Variants in POGZ observed in about 807,000 individuals in gnomAD.
POGZ encodes pogo transposable element with ZNF domain.
POGZ carries 17 observed loss-of-function variants against 134.6 expected under a neutral mutation model. That is an observed-to-expected ratio of 0.13 (90% confidence interval 0.09 to 0.19). POGZ has a LOEUF of 0.19. Ranked by LOEUF, POGZ falls within the 10% of genes least tolerant of loss-of-function variation. The pLI is 1.00. For synonymous variants in POGZ, 693 were observed against 657.1 expected, an observed-to-expected ratio of 1.05 and a Z score of -0.84; for missense variants, 1,306 against 1,769.7, an observed-to-expected ratio of 0.74 and a Z score of 4.70.
chr1:151,424,449 A>G (rs1198394581), intron 8 of POGZ, 163 bp from the exon 9 acceptor site: 1 of 554,234 alleles, frequency 1.8e-6, no homozygotes, highest in African/African-American at 1.9e-5. Context: ...CTCCTTTTCT[A>G]GAGTATATCC....
intron 1 of POGZ, among the ~76,000 whole-genome samples, chr1:151,453,678 C>A (rs1358809349): frequency 1.3e-5 from 2 of 152,078 alleles, no homozygotes; most frequent in Non-Finnish European, 2.9e-5. Flanking sequence ...TGCAGGCTCA[C>A]ACAGAACTAT....
Position 151,412,282 on chromosome 1 carries a change from G to C in POGZ, c.1779+14C>G. The C allele has an allele frequency of 1.4e-6, 2 of 1,457,306 alleles. No individual in the cohort carries two copies. The highest frequency in any genetic ancestry group is 1.9e-6 in the Non-Finnish European group (2 of 1,046,468). The allele number at this position is 1,457,306 out of a possible 1,614,324, so 90.3% of individuals were successfully genotyped here. On this transcript the variant is annotated intron_variant, in intron 11 of 18. Transcript: ENST00000271715. ...GGCAAAACTGCTAAAACTCCCTGGA[G>C]AAAAAGGCAATACCTGGCAAACATA...
rs1660449423 is a variant in POGZ at position 151,441,053 on chromosome 1, A to C, written c.158T>G (p.Val53Gly). 2 of 1,613,876 alleles carry C rather than the reference A, an allele frequency of 1.2e-6. No homozygotes were observed. Among genetic ancestry groups the C allele is most frequent in the Non-Finnish European group, 1.7e-6 (2 of 1,179,920 alleles). Reference sequence around the variant, plus strand: ...AACAGAAGCATGGGCAGCGATGGGCACTGGAGCCGAGACTGGCTGCTGGCT... The same window carrying C: ...AACAGAAGCATGGGCAGCGATGGGCCCTGGAGCCGAGACTGGCTGCTGGCT... Reference protein sequence around the residue: ...SVSQQPVSAPVPIAAHASVAG... With the variant: ...SVSQQPVSAPGPIAAHASVAG... Residue 53 changes from valine to glycine, a missense_variant, in exon 3 of 19, where the codon GTG becomes GGG. Val to Gly is a moderately radical substitution (Grantham distance 109). Transcript: ENST00000271715.
rs1050051004 is a variant in POGZ, at chr1:151,430,675, G to A, written c.450C>T (p.Ile150=). ...SSPVASQPIF[I]TTQGFPVRNV... is the part of the protein sequence containing the mutation. ...TCAGAGTCCTACTCACCTGCGTAGT[G>A]ATAAATATTGGTTGTGAGGCCACAG... Residue 150 remains isoleucine (I), a synonymous_variant, in exon 4 of 19, where the codon ATC becomes ATT. Transcript: ENST00000271715. The A allele has an allele frequency of 6.2e-7, 1 of 1,606,942 alleles. No individual in the cohort carries two copies. Among genetic ancestry groups the A allele is most frequent in the South Asian group, 1.1e-5 (1 of 90,762 alleles).
At position 151,406,217 on chromosome 1, in the gene POGZ, G is replaced by A; in HGVS notation, c.2818C>T (p.Leu940=). ...CCTTCATCCTGATCATCAACATTCA[G>A]ACATTCGGCTCCCTCTGTAGCCAGC... is the stretch of plus-strand genomic sequence containing the variant. ...PPLATEGAEC[L]NVDDQDEGSP... The change falls in exon 19 of 19, where the codon CTG becomes TTG. Residue 940 remains leucine (L), a synonymous_variant. Transcript: ENST00000271715. The A allele has an allele frequency of 1.9e-6, 3 of 1,614,154 alleles. No homozygotes were observed. Among genetic ancestry groups the A allele is most frequent in the Non-Finnish European group, 2.5e-6 (3 of 1,180,036 alleles).
In POGZ at chr1:151,423,476, C is replaced by T. The variant is rs762452635; in HGVS notation, c.1599G>A (p.Gln533=). 21 of 1,613,538 alleles carry T rather than the reference C, an allele frequency of 1.3e-5. No individual in the cohort carries two copies. The highest frequency in any genetic ancestry group is 1.7e-5 in the Non-Finnish European group (20 of 1,179,546). ...GAGTGGAAAACTGGCGGTAACAGTG[C>T]TGGCAGATAGTGTGACCATCTACCT... ...NGEVDGHTIC[Q]HCYRQFSTPF... is the part of the protein sequence containing the mutation. The change falls in exon 10 of 19, where the codon CAG becomes CAA. Residue 533 remains glutamine, a synonymous_variant. Transcript: ENST00000271715.
At chr1:151,458,596 GCCGCTCCGCCGCCGC>G (rs1002218704) in intron 1 of POGZ, among the ~76,000 whole-genome samples, 101 of 148,692 alleles carry the variant, frequency 6.8e-4, no homozygotes, top group Non-Finnish European at 1.3e-3. Context: ...ACCCCCAGGG[GCCGCTCCGCCGCCGC>G]CCGCCCCTCC....
rs1217008974 is a variant in POGZ, at chr1:151,459,110, G to A, written c.-2+42C>T. The stretch of plus-strand genomic sequence containing the variant: ...AGCGAAAAGATAACGGAACCCCCGG[G>A]AGCAGGGGGTGGGGAGAGAGAAGGC... On this transcript the variant is annotated intron_variant, in intron 1 of 18. Coordinates refer to ENST00000271715, the MANE Select transcript of POGZ (RefSeq NM_015100.4). The A allele has an allele frequency of 2.0e-5, 3 of 151,252 alleles. 1 individual carries two copies. The South Asian group carries it at 6.2e-4, about 31-fold the overall frequency. 9.4% of individuals were successfully genotyped at this position (151,252 alleles called of 1,614,324 possible).
rs1653198712 is a variant in POGZ at position 151,404,369 on chromosome 1, T to C, written c.*433A>G. On this transcript the variant is annotated 3_prime_UTR_variant, in exon 19 of 19. Transcript: ENST00000271715. Reference sequence around the variant, plus strand: ...CATTAACAATGATTAGATAGCATCATGCCCAAAGACATTGGCCACACAATA... The same window carrying C: ...CATTAACAATGATTAGATAGCATCACGCCCAAAGACATTGGCCACACAATA... The C allele has an allele frequency of 8.1e-6, 8 of 987,984 alleles. No individual in the cohort carries two copies. Among genetic ancestry groups the C allele is most frequent in the Non-Finnish European group, 9.6e-6 (8 of 830,870 alleles). 61.2% of individuals were successfully genotyped at this position (987,984 alleles called of 1,614,324 possible).
At position 151,412,652 on chromosome 1, in the gene POGZ, C is replaced by A. The variant is rs141864329; in HGVS notation, c.1679-256G>T. On this transcript the variant is annotated intron_variant, in intron 10 of 18. Coordinates refer to ENST00000271715, the MANE Select transcript of POGZ (RefSeq NM_015100.4). ...AGACATTTTAAATTGGTTATTCTAT[C>A]GTCAACTCTAACCTAATTCAGCATC... Among the ~76,000 whole-genome samples, 6 of 152,208 alleles carry A rather than the reference C, an allele frequency of 3.9e-5. No individual in the cohort carries two copies. In the Middle Eastern group the frequency reaches 0.01, roughly 259 times the overall value.
intron 5 of POGZ, 52 bp from the exon 6 acceptor site, chr1:151,428,465 C>G: frequency 6.6e-7 from 1 of 1,518,554 alleles, no homozygotes; most frequent in Non-Finnish European, 9.1e-7. Context: ...TCACCTATAA[C>G]ACATTCTCCC....
chr1:151,423,276 A>G, intron 10 of POGZ, 121 bp downstream of exon 10: 2 of 813,122 alleles, frequency 2.5e-6, no homozygotes, highest in Non-Finnish European at 4.0e-6. Context: ...TACAAATATG[A>G]AAAGTACTTC....
chr1:151,404,434 TA>T lies in POGZ; in HGVS notation c.*367del. ...ACCCAGTACTATGATACAATTGAGG[TA>T]AAAGGGGAAACAAAAAAATTTAACA... is the stretch of plus-strand genomic sequence containing the variant. On this transcript the variant is annotated 3_prime_UTR_variant, in exon 19 of 19. Transcript: ENST00000271715. 1 of 1,002,818 alleles carries T rather than the reference TA, an allele frequency of 1.0e-6. No individual in the cohort carries two copies. The highest frequency in any genetic ancestry group is 4.3e-5 in the South Asian group (1 of 23,022). 62.1% of individuals were successfully genotyped at this position (1,002,818 alleles called of 1,614,324 possible).
intron 17 of POGZ, 57 bp from the exon 18 acceptor site, chr1:151,406,688 A>AG: frequency 2.1e-6 from 3 of 1,442,060 alleles, no homozygotes; most frequent in South Asian, 2.3e-5. Context: ...AGCCCTCCAA[A>AG]GACAGTGCCC....
intron 10 of POGZ, among the ~76,000 whole-genome samples, chr1:151,416,791 T>C (rs1311608256): frequency 6.6e-6 from 1 of 151,312 alleles, no homozygotes; most frequent in Admixed American, 6.6e-5. Context: ...ACCTGGCTAA[T>C]TAAAAAAAAA....
chr1:151,440,898 G>A (rs1660422981), intron 3 of POGZ, 30 bp downstream of exon 3: 1 of 1,598,518 alleles, frequency 6.3e-7, no homozygotes, highest in Non-Finnish European at 8.6e-7. Flanking sequence ...CTCTAGCCCA[G>A]GATTATTATT....
intron 1 of POGZ, among the ~76,000 whole-genome samples, chr1:151,444,018 T>G (rs1207357784): frequency 1.3e-5 from 2 of 152,192 alleles, no homozygotes; most frequent in African/African-American, 4.8e-5. Flanking sequence ...CAGTAGCAGT[T>G]TGCAAGAAGC....
intron 1 of POGZ, among the ~76,000 whole-genome samples, chr1:151,444,495 A>G (rs763849409): frequency 6.6e-6 from 1 of 152,230 alleles, no homozygotes; most frequent in Non-Finnish European, 1.5e-5. Context: ...CAAATATCCA[A>G]CACCCAGCAG....
chr1:151,421,141 T>C (rs1035066718), intron 10 of POGZ, among the ~76,000 whole-genome samples: 3 of 152,026 alleles, frequency 2.0e-5, no homozygotes, highest in South Asian at 2.1e-4. Context: ...AATAATCTTA[T>C]TGTACTGCAC....
Sources: gnomAD v4.1 joint callset for allele counts (sites outside exome capture counted in the v4.1 genomes callset) on GRCh38, gnomAD v4.1.1 for gene constraint, MANE v1.5 for transcripts, NCBI Gene and HGNC (gene_info 2026-07-23, HGNC 2026-07-21) for gene names.